The following SYNDIG1 variants were observed in gnomAD, a reference collection of about 807,000 sequenced individuals.
The protein encoded by SYNDIG1 is synapse differentiation inducing 1, also known as synapse differentiation-inducing gene protein 1.
Under a neutral mutation model 19.4 loss-of-function variants are expected in SYNDIG1, and 9 were observed. The observed-to-expected ratio is 0.46, with a 90% CI of 0.28 to 0.81. The LOEUF (loss-of-function observed/expected upper bound fraction) is 0.81, where lower values mean the gene tolerates loss of function less well. SYNDIG1 is among the 30% of genes least tolerant of loss of function. The pLI is 0.12. For missense variants in SYNDIG1, 311 were observed against 343.3 expected, an observed-to-expected ratio of 0.91 and a Z score of 0.74; for synonymous variants, 141 against 145.9, an observed-to-expected ratio of 0.97 and a Z score of 0.24.
intron 2 of SYNDIG1, among the ~76,000 whole-genome samples, chr20:24,552,018 C>G (rs2057714905): frequency 6.6e-6 from 1 of 152,122 alleles, no homozygotes; most frequent in African/African-American, 2.4e-5. Flanking sequence ...GTCTCCTGTT[C>G]TTTCTGTTTG....
intron 2 of SYNDIG1, among the ~76,000 whole-genome samples, chr20:24,551,170 G>A (rs537989426): frequency 1.6e-4 from 25 of 152,320 alleles, no homozygotes; most frequent in Admixed American, 5.2e-4. Context: ...TTACTGAACT[G>A]ATTCTATTAC....
chr20:24,549,178 G>A (rs1321417545), intron 2 of SYNDIG1, among the ~76,000 whole-genome samples: 1 of 152,108 alleles, frequency 6.6e-6, no homozygotes, highest in Non-Finnish European at 1.5e-5. Flanking sequence ...ATATCTAGCT[G>A]TAATTTTGTA....
intron 3 of SYNDIG1, among the ~76,000 whole-genome samples, chr20:24,594,103 G>T (rs2058556834): frequency 6.6e-6 from 1 of 152,102 alleles, no homozygotes; most frequent in South Asian, 2.1e-4. Flanking sequence ...TGAAATATTT[G>T]CCAAGTCTTA....
chr20:24,600,768 C>T (rs930585421), intron 3 of SYNDIG1, among the ~76,000 whole-genome samples: 1 of 152,108 alleles, frequency 6.6e-6, no homozygotes, highest in African/African-American at 2.4e-5. Context: ...GTGCCCGCCA[C>T]CACGCCTGGC....
chr20:24,610,011 G>T (rs2058822002), intron 3 of SYNDIG1, among the ~76,000 whole-genome samples: 1 of 152,062 alleles, frequency 6.6e-6, no homozygotes, highest in Admixed American at 6.5e-5. Flanking sequence ...TCCCTTTTTG[G>T]TCAAAAGGAA....
intron 1 of SYNDIG1, among the ~76,000 whole-genome samples, chr20:24,500,691 C>T (rs1011040488): frequency 1.3e-5 from 2 of 152,116 alleles, no homozygotes; most frequent in African/African-American, 4.8e-5. Flanking sequence ...GACTTGACCT[C>T]ACGTCTGGCT....
intron 1 of SYNDIG1, among the ~76,000 whole-genome samples, chr20:24,505,597 A>C (rs963573383): frequency 7.9e-5 from 12 of 152,226 alleles, no homozygotes; most frequent in Non-Finnish European, 4.4e-5. Flanking sequence ...CCTCATTCTT[A>C]GGCAATCTTA....
At chr20:24,598,808 C>A (rs2058635306) in intron 3 of SYNDIG1, among the ~76,000 whole-genome samples, 1 of 152,172 alleles carries the variant, frequency 6.6e-6, no homozygotes, top group Non-Finnish European at 1.5e-5. Flanking sequence ...ACTATGTAGA[C>A]CTTTATCTTT....
At chr20:24,576,601 C>T (rs557855996) in intron 2 of SYNDIG1, among the ~76,000 whole-genome samples, 1 of 152,278 alleles carries the variant, frequency 6.6e-6, no homozygotes, top group East Asian at 1.9e-4. Context: ...ACTCACAGAT[C>T]GCATCTGAGC....
intron 1 of SYNDIG1, among the ~76,000 whole-genome samples, chr20:24,541,033 A>T (rs1280803749): frequency 6.6e-6 from 1 of 152,188 alleles, no homozygotes; most frequent in Non-Finnish European, 1.5e-5. Flanking sequence ...ATCTCTATCT[A>T]TTGCCATAAA....
chr20:24,629,994 A>G (rs1338598660), intron 3 of SYNDIG1, among the ~76,000 whole-genome samples: 5 of 152,162 alleles, frequency 3.3e-5, no homozygotes, highest in African/African-American at 1.2e-4. Flanking sequence ...TGGAGTCAGG[A>G]GCGGAGTCCA....
chr20:24,573,012 G>T (rs953289183), intron 2 of SYNDIG1, among the ~76,000 whole-genome samples: 1 of 152,062 alleles, frequency 6.6e-6, no homozygotes, highest in African/African-American at 2.4e-5. Context: ...CCACCTCCCA[G>T]CCCCCGTCCT....
intron 3 of SYNDIG1, among the ~76,000 whole-genome samples, chr20:24,630,044 A>C (rs560968882): frequency 6.6e-6 from 1 of 152,354 alleles, no homozygotes; most frequent in Non-Finnish European, 1.5e-5. Flanking sequence ...ACTGCACAGG[A>C]GATGCATCAT....
intron 3 of SYNDIG1, among the ~76,000 whole-genome samples, chr20:24,611,616 C>G (rs895929542): frequency 6.6e-6 from 1 of 151,890 alleles, no homozygotes; most frequent in Non-Finnish European, 1.5e-5. Context: ...CCCCACCTTT[C>G]ATGGCCTCTC....
intron 3 of SYNDIG1, among the ~76,000 whole-genome samples, chr20:24,619,282 C>T (rs894821675): frequency 5.3e-5 from 8 of 152,212 alleles, no homozygotes; most frequent in African/African-American, 7.2e-5. Context: ...GGACTGGCTG[C>T]GCAGTGTGTC....
chr20:24,642,455 G>A (rs770911794), intron 3 of SYNDIG1, among the ~76,000 whole-genome samples: 1 of 152,118 alleles, frequency 6.6e-6, no homozygotes, highest in Non-Finnish European at 1.5e-5. Flanking sequence ...CACACTCGAA[G>A]GGTAGGGTGG....
intron 2 of SYNDIG1, among the ~76,000 whole-genome samples, chr20:24,553,124 G>A (rs1488509326): frequency 6.6e-6 from 1 of 151,634 alleles, no homozygotes; most frequent in Non-Finnish European, 1.5e-5. Context: ...AGAAGTGTCT[G>A]TTCATGTCCT....
At chr20:24,636,487 G>A (rs1262514589) in intron 3 of SYNDIG1, among the ~76,000 whole-genome samples, 1 of 152,132 alleles carries the variant, frequency 6.6e-6, no homozygotes, top group Non-Finnish European at 1.5e-5. Context: ...TTTACATAGG[G>A]CCCAAAGATT....
rs180709483 is a variant in SYNDIG1, at chr20:24,526,580, T to G, written c.-78-16440T>G. ...ACATTTATATATATAGAGAGAGAGA[T>G]ATAGATATAGATATATAGATAGATA... On this transcript the variant is annotated intron_variant, in intron 1 of 3. Coordinates refer to ENST00000376862, the MANE Select transcript of SYNDIG1 (RefSeq NM_024893.3). Among the ~76,000 whole-genome samples the G allele has an allele frequency of 6.3e-4, 96 of 152,180 alleles. No individual in the cohort carries two copies. In the East Asian group the frequency reaches 8.7e-3, roughly 14 times the overall value.
Sources: allele counts gnomAD v4.1 joint callset (sites outside exome capture counted in the v4.1 genomes callset), GRCh38; gene constraint gnomAD v4.1.1; transcripts MANE v1.5; gene names NCBI Gene and HGNC (gene_info 2026-07-23, HGNC 2026-07-21).